The following PDZRN4 variants were observed in gnomAD, a reference collection of about 807,000 sequenced individuals.
The protein encoded by PDZRN4 is PDZ domain containing ring finger 4, also known as PDZ domain-containing RING finger protein 4.
Under a neutral mutation model 99.0 loss-of-function variants are expected in PDZRN4, and 70 were observed. That is an observed-to-expected ratio of 0.71 (90% CI 0.58 to 0.86). The LOEUF is 0.86. PDZRN4 is among the 40% of genes least tolerant of loss of function. PDZRN4 has a pLI of 0.00. For synonymous variants in PDZRN4, 551 were observed against 501.6 expected (o/e 1.10, Z -1.32); for missense variants, 1,474 against 1,331.2 (o/e 1.11, Z -1.67).
intron 3 of PDZRN4, among the ~76,000 whole-genome samples, chr12:41,404,141 T>C (rs1353077935): frequency 6.6e-6 from 1 of 152,182 alleles, no homozygotes; most frequent in Non-Finnish European, 1.5e-5. Context: ...TGCTGTATCA[T>C]TTTTATTTAA....
chr12:41,555,632 C>G (rs978809413), intron 6 of PDZRN4, 66 bp from the exon 7 acceptor site: 1 of 1,187,266 alleles, frequency 8.4e-7, no homozygotes, highest in African/African-American at 1.5e-5. Context: ...ATTTTAAAGC[C>G]ATATTTTTAA....
At chr12:41,513,005 C>T (rs1022353455) in intron 5 of PDZRN4, among the ~76,000 whole-genome samples, 15 of 151,990 alleles carry the variant, frequency 9.9e-5, no homozygotes, top group African/African-American at 2.2e-4. Context: ...ACAAACTATG[C>T]GGCTATTTAG....
In PDZRN4 at chr12:41,412,214, C is replaced by G. The variant is rs909888894; in HGVS notation, c.844-94242C>G. On this transcript the variant is annotated intron_variant, in intron 3 of 9. Transcript: ENST00000402685. ...CCTTGAACAATGTGCACAGACATAC[C>G]TGGCTTCCTTTTCCAAGGTCACTTC... The G allele has an allele frequency of 6.6e-5, 10 of 152,296 alleles. 1 individual carries two copies. Among genetic ancestry groups the G allele is most frequent in the Admixed American group, 2.6e-4 (4 of 15,300 alleles). 9.4% of individuals were successfully genotyped at this position (152,296 alleles called of 1,614,324 possible).
At chr12:41,488,443 T>TGAAACA (rs1380496819) in intron 3 of PDZRN4, among the ~76,000 whole-genome samples, 1 of 152,198 alleles carries the variant, frequency 6.6e-6, no homozygotes, top group African/African-American at 2.4e-5. Context: ...GAAAATTTAT[T>TGAAACA]GAAACACGCT....
intron 3 of PDZRN4, among the ~76,000 whole-genome samples, chr12:41,455,648 A>G (rs1952811791): frequency 6.6e-6 from 1 of 152,190 alleles, no homozygotes; most frequent in Non-Finnish European, 1.5e-5. Context: ...TCTGTACCAT[A>G]AATCTTGTAC....
intron 3 of PDZRN4, among the ~76,000 whole-genome samples, chr12:41,489,431 T>G (rs1201447379): frequency 1.3e-5 from 2 of 152,116 alleles, no homozygotes; most frequent in Non-Finnish European, 2.9e-5. Context: ...AACAAGAAGT[T>G]CAGTCACTTA....
intron 3 of PDZRN4, among the ~76,000 whole-genome samples, chr12:41,484,395 T>C (rs1438469897): frequency 6.6e-6 from 1 of 152,204 alleles, no homozygotes; most frequent in Non-Finnish European, 1.5e-5. Flanking sequence ...TTTGGCATGT[T>C]AGTAAAGTCA....
intron 3 of PDZRN4, among the ~76,000 whole-genome samples, chr12:41,480,973 GTTT>G (rs36114607): frequency 6.8e-6 from 1 of 146,750 alleles, no homozygotes; most frequent in Non-Finnish European, 1.5e-5. Context: ...AAATTACAGG[GTTT>G]TTTTTTTTCT....
intron 3 of PDZRN4, among the ~76,000 whole-genome samples, chr12:41,371,930 T>A (rs1368620772): frequency 1.3e-5 from 2 of 152,124 alleles, no homozygotes; most frequent in Non-Finnish European, 2.9e-5. Context: ...CTGGCTTCAG[T>A]ACACTTTCCC....
chr12:41,374,383 T>A (rs12302743), intron 3 of PDZRN4, among the ~76,000 whole-genome samples: 2,188 of 152,204 alleles, frequency 0.014, 48 homozygotes, highest in East Asian at 0.09. Flanking sequence ...TGACAGTGCA[T>A]GATCTGGTAA....
At chr12:41,538,335 A>G (rs965894894) in intron 5 of PDZRN4, among the ~76,000 whole-genome samples, 7 of 152,170 alleles carry the variant, frequency 4.6e-5, no homozygotes, top group Non-Finnish European at 8.8e-5. Flanking sequence ...TGCTTTTTAT[A>G]AAAGTTCTTC....
chr12:41,364,812 G>C (rs1951986216), intron 3 of PDZRN4, among the ~76,000 whole-genome samples: 1 of 152,052 alleles, frequency 6.6e-6, no homozygotes, highest in Non-Finnish European at 1.5e-5. Flanking sequence ...ATGGCAAGTA[G>C]CAGACATTGT....
intron 3 of PDZRN4, among the ~76,000 whole-genome samples, chr12:41,378,771 C>A (rs886968628): frequency 6.6e-6 from 1 of 152,128 alleles, no homozygotes. Flanking sequence ...GATCTGCCCA[C>A]CTCAGCCTCC....
intron 5 of PDZRN4, among the ~76,000 whole-genome samples, chr12:41,517,474 T>C (rs1032107593): frequency 6.6e-6 from 1 of 152,050 alleles, no homozygotes; most frequent in Admixed American, 6.6e-5. Flanking sequence ...ACTGTTTTCA[T>C]AGTGGCAGAA....
intron 7 of PDZRN4, among the ~76,000 whole-genome samples, chr12:41,556,101 G>A (rs1397586774): frequency 6.6e-6 from 1 of 152,170 alleles, no homozygotes; most frequent in Admixed American, 6.5e-5. Flanking sequence ...TATTGTTGTT[G>A]TGAATGTGAA....
At chr12:41,226,978 T>A (rs183896024) in intron 3 of PDZRN4, among the ~76,000 whole-genome samples, 3 of 152,314 alleles carry the variant, frequency 2.0e-5, no homozygotes, top group Non-Finnish European at 4.4e-5. Flanking sequence ...GTTTGTATCA[T>A]GCAGTTGCAG....
chr12:41,403,628 A>G, intron 3 of PDZRN4, among the ~76,000 whole-genome samples: 1 of 152,166 alleles, frequency 6.6e-6, no homozygotes. Flanking sequence ...AAGAGTAAGC[A>G]TATTTCAGTC....
At chr12:41,554,129 A>G (rs1029943118) in intron 6 of PDZRN4, among the ~76,000 whole-genome samples, 4 of 152,326 alleles carry the variant, frequency 2.6e-5, no homozygotes, top group East Asian at 1.9e-4. Context: ...TGCAATTAGG[A>G]TAATTCCTCT....
intron 3 of PDZRN4, among the ~76,000 whole-genome samples, chr12:41,456,969 T>A (rs1411610903): frequency 1.3e-5 from 2 of 152,140 alleles, no homozygotes; most frequent in Non-Finnish European, 2.9e-5. Flanking sequence ...AGCCATAGTG[T>A]GTGGGCAAAG....
Sources: gnomAD v4.1 joint callset for allele counts (sites outside exome capture counted in the v4.1 genomes callset) on GRCh38, gnomAD v4.1.1 for gene constraint, MANE v1.5 for transcripts, NCBI Gene and HGNC (gene_info 2026-07-23, HGNC 2026-07-21) for gene names.